TMIGD3: variants seen among roughly 807,000 people sequenced by gnomAD.
The protein encoded by TMIGD3 is transmembrane and immunoglobulin domain containing 3, also known as AD026 protein (AD026).
A neutral mutation model predicts 28.1 loss-of-function variants in TMIGD3; 21 were observed. That is an observed-to-expected ratio of 0.75 (90% CI 0.53 to 1.08). The LOEUF is 1.08. TMIGD3 is among the 50% of genes least tolerant of loss of function. The pLI, the probability that TMIGD3 is intolerant of heterozygous loss-of-function variation, is 0.00. For missense variants in TMIGD3, 416 were observed against 435.6 expected, an observed-to-expected ratio of 0.96 and a Z score of 0.40; for synonymous variants, 151 against 162.1, an observed-to-expected ratio of 0.93 and a Z score of 0.52.
chr1:111,502,640 AAAT>A (rs1350461789), intron 1 of TMIGD3, among the ~76,000 whole-genome samples: 2 of 150,798 alleles, frequency 1.3e-5, no homozygotes, highest in African/African-American at 2.4e-5. Context: ...GCTTCTCCTA[AAAT>A]AATAAGTCTT....
intron 1 of TMIGD3, among the ~76,000 whole-genome samples, chr1:111,531,237 C>G (rs925889082): frequency 1.1e-4 from 16 of 151,486 alleles, no homozygotes; most frequent in Admixed American, 1.1e-3. Flanking sequence ...AAGGTCATGC[C>G]ACTGAATTCC....
chr1:111,527,004 G>GTTT (rs1656287413), intron 1 of TMIGD3, among the ~76,000 whole-genome samples: 7 of 76,984 alleles, frequency 9.1e-5, no homozygotes, highest in African/African-American at 2.1e-4. Flanking sequence ...TTTCCTCAAT[G>GTTT]TCTTTTTTTT....
chr1:111,496,237 T>C (rs898056374), intron 1 of TMIGD3, among the ~76,000 whole-genome samples: 1 of 152,244 alleles, frequency 6.6e-6, no homozygotes, highest in Non-Finnish European at 1.5e-5. Context: ...AAAACTCTCC[T>C]AATTTTTGTC....
Position 111,500,066 on chromosome 1 carries a change from C to T in TMIGD3, c.350+2939G>A, listed in dbSNP as rs139193735. The T allele has an allele frequency of 4.3e-5, 69 of 1,614,032 alleles. 1 individual carries two copies. The highest frequency in any genetic ancestry group is 2.9e-4 in the African/African-American group (22 of 74,900). On this transcript the variant is annotated intron_variant, in intron 1 of 5. Transcript: ENST00000369716. Reference sequence around the variant, plus strand: ...AACTTCTTTATTTTATAGGCATAGACGATAGGGTTCATCATGGAGTTGGCA... The same window carrying T: ...AACTTCTTTATTTTATAGGCATAGATGATAGGGTTCATCATGGAGTTGGCA...
At chr1:111,529,275 G>C (rs1174097281) in intron 1 of TMIGD3, among the ~76,000 whole-genome samples, 1 of 151,676 alleles carries the variant, frequency 6.6e-6, no homozygotes, top group East Asian at 1.9e-4. Context: ...GCTTGCCCAA[G>C]CAACCCCTAC....
chr1:111,550,213 C>T (rs768517945), intron 1 of TMIGD3, among the ~76,000 whole-genome samples: 1 of 152,070 alleles, frequency 6.6e-6, no homozygotes, highest in Non-Finnish European at 1.5e-5. Flanking sequence ...TCAGTTTTCT[C>T]CCTATTTTTC....
intron 3 of TMIGD3, 125 bp from the exon 4 acceptor site, chr1:111,486,777 A>C: frequency 1.2e-6 from 1 of 806,436 alleles, no homozygotes; most frequent in Non-Finnish European, 2.1e-6. Flanking sequence ...ACTCCAGAGT[A>C]AAGCAGAGGT....
At chr1:111,547,599 A>G (rs1418029546) in intron 1 of TMIGD3, among the ~76,000 whole-genome samples, 2 of 152,186 alleles carry the variant, frequency 1.3e-5, no homozygotes, top group East Asian at 3.8e-4. Context: ...GGGTCCTGGA[A>G]ATCTGACGTC....
At chr1:111,488,539 G>A in intron 3 of TMIGD3, 138 bp downstream of exon 3, 1 of 715,618 alleles carries the variant, frequency 1.4e-6, no homozygotes, top group Non-Finnish European at 2.3e-6. Flanking sequence ...TTTGCCGGAG[G>A]AAGAGAGAGG....
chr1:111,502,075 ATT>A (rs1338731389), intron 1 of TMIGD3, among the ~76,000 whole-genome samples: 10 of 131,760 alleles, frequency 7.6e-5, no homozygotes, highest in Non-Finnish European at 6.3e-5. Context: ...GGATATATAT[ATT>A]ATAATAAATA....
intron 1 of TMIGD3, among the ~76,000 whole-genome samples, chr1:111,525,736 T>C (rs1409775115): frequency 6.6e-6 from 1 of 152,120 alleles, no homozygotes; most frequent in Non-Finnish European, 1.5e-5. Flanking sequence ...TGGTGGTGCA[T>C]GCCTGTAGTC....
At chr1:111,527,868 G>T (rs1353249116) in intron 1 of TMIGD3, among the ~76,000 whole-genome samples, 1 of 151,848 alleles carries the variant, frequency 6.6e-6, no homozygotes, top group Admixed American at 6.6e-5. Context: ...TATTGTTGAG[G>T]TTTAAGGGTT....
Position 111,489,639 on chromosome 1 carries a change from G to C in TMIGD3, c.458-615C>G, listed in dbSNP as rs755539659. On this transcript the variant is annotated intron_variant, in intron 2 of 5. Transcript: ENST00000369716. ...GGAGGCCTCCTACCATTGCTTGACG[G>C]AGGGCCTTGAAGAGCCTGAGGCTTA... The C allele has an allele frequency of 4.4e-6, 5 of 1,135,394 alleles. No homozygotes were observed. In the South Asian group the frequency reaches 8.6e-5, roughly 20 times the overall value. 70.3% of individuals were successfully genotyped at this position (1,135,394 alleles called of 1,614,324 possible). A position where few individuals can be genotyped will look rare whatever the true frequency, so the allele number is the denominator to read the frequency against.
At chr1:111,538,156 C>T (rs1656702579) in intron 1 of TMIGD3, among the ~76,000 whole-genome samples, 1 of 152,194 alleles carries the variant, frequency 6.6e-6, no homozygotes, top group South Asian at 2.1e-4. Flanking sequence ...CAGAAAACCA[C>T]ATCAGTTTCA....
intron 1 of TMIGD3, among the ~76,000 whole-genome samples, chr1:111,502,414 G>A (rs1012782257): frequency 2.3e-5 from 3 of 130,408 alleles, no homozygotes; most frequent in African/African-American, 8.6e-5. Flanking sequence ...TTATTATAGT[G>A]AATATATATA....
chr1:111,550,255 G>A (rs1657207396), intron 1 of TMIGD3, among the ~76,000 whole-genome samples: 1 of 151,934 alleles, frequency 6.6e-6, no homozygotes, highest in Admixed American at 6.6e-5. Flanking sequence ...TGCCTATTTT[G>A]TTGACCTTTT....
At chr1:111,515,968 G>A (rs1284835187) in intron 1 of TMIGD3, among the ~76,000 whole-genome samples, 1 of 152,226 alleles carries the variant, frequency 6.6e-6, no homozygotes, top group Non-Finnish European at 1.5e-5. Context: ...AGGGAGCGGC[G>A]GGAACCTGCA....
chr1:111,485,564 G>A (rs538246825), intron 5 of TMIGD3, 176 bp downstream of exon 5: 19 of 537,962 alleles, frequency 3.5e-5, no homozygotes, highest in East Asian at 6.3e-5. Context: ...GTCACTTCTC[G>A]TGATGCCTTG....
intron 1 of TMIGD3, among the ~76,000 whole-genome samples, chr1:111,492,597 C>T (rs187900881): frequency 1.4e-4 from 21 of 152,118 alleles, no homozygotes; most frequent in Admixed American, 2.0e-4. Context: ...GGGCGGATGA[C>T]GAGGTCAGGA....
Sources: gnomAD v4.1 joint callset for allele counts (sites outside exome capture counted in the v4.1 genomes callset) on GRCh38, gnomAD v4.1.1 for gene constraint, MANE v1.5 for transcripts, NCBI Gene and HGNC (gene_info 2026-07-23, HGNC 2026-07-21) for gene names.